Variants in GABRG3 observed in about 807,000 individuals in gnomAD.
The protein encoded by GABRG3 is gamma-aminobutyric acid type A receptor subunit gamma3.
GABRG3 carries 25 observed loss-of-function variants against 48.8 expected under a neutral mutation model. The observed-to-expected ratio is 0.51, with a 90% CI of 0.37 to 0.72. The LOEUF is 0.72. Ranked by LOEUF, GABRG3 falls within the 30% of genes least tolerant of loss-of-function variation. The probability of loss-of-function intolerance (pLI) is 0.00; values close to 1 mark genes in which losing one functional copy is unlikely to be tolerated. For missense variants in GABRG3, 394 were observed against 577.9 expected, an observed-to-expected ratio of 0.68 and a Z score of 3.26; for synonymous variants, 227 against 217.6, an observed-to-expected ratio of 1.04 and a Z score of -0.38.
At chr15:27,047,041 C>T (rs933208766) in intron 3 of GABRG3, among the ~76,000 whole-genome samples, 1 of 152,150 alleles carries the variant, frequency 6.6e-6, no homozygotes, top group African/African-American at 2.4e-5. Context: ...TGCAGTGGGA[C>T]CATATGGTGT....
chr15:27,156,938 C>T (rs370640598), intron 3 of GABRG3, among the ~76,000 whole-genome samples: 2 of 152,282 alleles, frequency 1.3e-5, no homozygotes, highest in East Asian at 3.9e-4. Context: ...CATTTCTTCC[C>T]ATCATTTTCC....
intron 5 of GABRG3, among the ~76,000 whole-genome samples, chr15:27,477,658 T>C (rs745978463): frequency 2.6e-4 from 39 of 152,182 alleles, no homozygotes; most frequent in Non-Finnish European, 5.4e-4. Flanking sequence ...GCTGTGCATG[T>C]GTGGGGCAGG....
chr15:27,189,529 T>A (rs1211305651), intron 3 of GABRG3, among the ~76,000 whole-genome samples: 1 of 141,918 alleles, frequency 7.0e-6, no homozygotes, highest in Non-Finnish European at 1.5e-5. Flanking sequence ...GCTCTCTGTT[T>A]GTCTGTTATT....
At chr15:27,232,732 G>T in intron 3 of GABRG3, among the ~76,000 whole-genome samples, 1 of 152,172 alleles carries the variant, frequency 6.6e-6, no homozygotes, top group East Asian at 1.9e-4. Context: ...AATATGTTTG[G>T]AGCCAAAATA....
At chr15:27,289,948 AT>A (rs1891743443) in intron 3 of GABRG3, among the ~76,000 whole-genome samples, 1 of 152,200 alleles carries the variant, frequency 6.6e-6, no homozygotes, top group South Asian at 2.1e-4. Flanking sequence ...TAGTACCCAG[AT>A]ATTGTTTTAT....
intron 4 of GABRG3, 61 bp from the exon 5 acceptor site, chr15:27,328,745 C>A: frequency 6.8e-7 from 1 of 1,463,312 alleles, no homozygotes; most frequent in Non-Finnish European, 9.6e-7. Flanking sequence ...GGTGCCGTAA[C>A]GGCCGCCGGC....
At chr15:27,238,759 C>A (rs1469790409) in intron 3 of GABRG3, among the ~76,000 whole-genome samples, 3 of 152,158 alleles carry the variant, frequency 2.0e-5, no homozygotes, top group Non-Finnish European at 4.4e-5. Context: ...AGTTTGTTTT[C>A]TATGACAAGG....
chr15:27,501,828 T>C (rs551220511), intron 6 of GABRG3, among the ~76,000 whole-genome samples: 1 of 152,220 alleles, frequency 6.6e-6, no homozygotes, highest in South Asian at 2.1e-4. Flanking sequence ...CAGGTACACC[T>C]CTGGTTTGTC....
At chr15:27,297,192 A>T (rs952015993) in intron 3 of GABRG3, among the ~76,000 whole-genome samples, 7 of 152,212 alleles carry the variant, frequency 4.6e-5, no homozygotes, top group African/African-American at 1.7e-4. Flanking sequence ...AGCTAGATAT[A>T]ACAAAAGAGT....
intron 3 of GABRG3, among the ~76,000 whole-genome samples, chr15:27,311,893 C>G (rs1893008166): frequency 6.6e-6 from 1 of 152,010 alleles, no homozygotes. Flanking sequence ...GGAGAGGTCG[C>G]TGTTTTATCT....
chr15:27,191,489 T>G (rs564467606), intron 3 of GABRG3, among the ~76,000 whole-genome samples: 4 of 152,222 alleles, frequency 2.6e-5, no homozygotes, highest in Non-Finnish European at 5.9e-5. Flanking sequence ...TGGCCTTCTT[T>G]GTCTCTTTTG....
intron 3 of GABRG3, among the ~76,000 whole-genome samples, chr15:27,315,153 G>A (rs1893168167): frequency 6.6e-6 from 1 of 152,128 alleles, no homozygotes; most frequent in African/African-American, 2.4e-5. Context: ...AATCAATAAT[G>A]TCTTTTATTT....
chr15:27,135,830 G>A (rs1897999429), intron 3 of GABRG3, among the ~76,000 whole-genome samples: 1 of 152,178 alleles, frequency 6.6e-6, no homozygotes, highest in African/African-American at 2.4e-5. Flanking sequence ...ACTCAAACCT[G>A]GAAGGAGGAG....
intron 3 of GABRG3, among the ~76,000 whole-genome samples, chr15:27,142,890 G>A (rs1031010172): frequency 3.3e-5 from 5 of 151,880 alleles, no homozygotes; most frequent in Non-Finnish European, 7.4e-5. Context: ...TAGCTGGGGG[G>A]ACTACAGGCG....
rs1204953959 is a variant in GABRG3 at position 27,236,206 on chromosome 15, C to T, written c.271-90603C>T. Among the ~76,000 whole-genome samples the T allele has an allele frequency of 6.6e-6, 1 of 152,176 alleles. No homozygotes were observed. Among genetic ancestry groups the T allele is most frequent in the Non-Finnish European group, 1.5e-5 (1 of 68,044 alleles). On this transcript the variant is annotated intron_variant, in intron 3 of 9. Coordinates refer to ENST00000615808, the MANE Select transcript of GABRG3 (RefSeq NM_033223.5). This position sits in a 1 kb window ranked among gnomAD's most constrained non-coding sequence, Gnocchi z 4.4. ...TACATGGAAGCATCTCAGGAGGAAG[C>T]CTGCTTATCCCTGTGGAGACTCTGA...
chr15:27,234,443 T>A (rs1437622383), intron 3 of GABRG3, among the ~76,000 whole-genome samples: 1 of 152,166 alleles, frequency 6.6e-6, no homozygotes, highest in Non-Finnish European at 1.5e-5. Flanking sequence ...CAATAACACT[T>A]CCTTGCTAAG....
chr15:27,006,021 A>G (rs941122159), intron 2 of GABRG3, among the ~76,000 whole-genome samples: 2 of 152,248 alleles, frequency 1.3e-5, no homozygotes, highest in African/African-American at 4.8e-5. Context: ...AATGTAATGA[A>G]TAAGAGAAAG....
At chr15:27,118,459 T>C (rs1323055446) in intron 3 of GABRG3, among the ~76,000 whole-genome samples, 2 of 152,242 alleles carry the variant, frequency 1.3e-5, no homozygotes, top group Non-Finnish European at 2.9e-5. Flanking sequence ...CCAGGGCAGA[T>C]GACTGAGACG....
chr15:27,058,617 G>T (rs1291713377), intron 3 of GABRG3, among the ~76,000 whole-genome samples: 4 of 151,644 alleles, frequency 2.6e-5, no homozygotes, highest in South Asian at 2.1e-4. Context: ...GTTGCAACCT[G>T]TGAAAGTACT....
Sources: allele counts gnomAD v4.1 joint callset (sites outside exome capture counted in the v4.1 genomes callset), GRCh38; gene constraint gnomAD v4.1.1; non-coding constraint Gnocchi (gnomAD v3.1); transcripts MANE v1.5; gene names NCBI Gene and HGNC (gene_info 2026-07-23, HGNC 2026-07-21).